The following MARK2 variants were observed in gnomAD, a reference collection of about 807,000 sequenced individuals.
MARK2 encodes the protein microtubule affinity regulating kinase 2, also known as serine/threonine-protein kinase MARK2.
Under a neutral mutation model 89.8 loss-of-function variants are expected in MARK2, and 16 were observed. That is an observed-to-expected ratio of 0.18 (90% CI 0.12 to 0.27). The LOEUF (loss-of-function observed/expected upper bound fraction) is 0.27, where lower values mean the gene tolerates loss of function less well. Among genes scored for constraint, MARK2 ranks in the 10% least tolerant of loss-of-function variants. The pLI is 1.00. For synonymous variants in MARK2, 382 were observed against 399.5 expected (o/e 0.96, Z 0.52); for missense variants, 621 against 1,049.9 (o/e 0.59, Z 5.65).
rs1282961941 is a variant in MARK2 at position 63,902,967 on chromosome 11, G to A, written c.1417-94G>A. 1 of 1,187,204 alleles carries A rather than the reference G, an allele frequency of 8.4e-7. No individual in the cohort carries two copies. Among genetic ancestry groups the A allele is most frequent in the Non-Finnish European group, 1.3e-6 (1 of 799,094 alleles). The allele number at this position is 1,187,204 out of a possible 1,614,324, so 73.5% of individuals were successfully genotyped here. On this transcript the variant is annotated intron_variant, in intron 13 of 18. Transcript: ENST00000402010. This position sits in a 1 kb window ranked among gnomAD's most constrained non-coding sequence, Gnocchi z 4.2. ...CTACCACTGTCTGCTTCAGGTGGAA[G>A]GGACAGGAAGCCTGTTCCATGAACC...
chr11:63,899,249 C>CTTTCT (rs780099890), intron 7 of MARK2, 141 bp downstream of exon 7: 180 of 537,364 alleles, frequency 3.3e-4, no homozygotes, highest in Middle Eastern at 4.5e-4. Context: ...TTCTTTCTTT[C>CTTTCT]TTTTTTTTTT....
intron 1 of MARK2, among the ~76,000 whole-genome samples, chr11:63,883,879 G>A (rs548489565): frequency 8.7e-4 from 132 of 152,240 alleles, no homozygotes; most frequent in South Asian, 1.5e-3. Context: ...AAGCCACCAC[G>A]CCCGGCCAGA....
intron 17 of MARK2, 112 bp downstream of exon 17, chr11:63,906,226 C>G: frequency 8.2e-7 from 1 of 1,224,202 alleles, no homozygotes; most frequent in Non-Finnish European, 1.0e-6. Context: ...ATCTGCTTAA[C>G]CAAGTCTGTG....
rs148364146 is a variant in MARK2 at position 63,842,433 on chromosome 11, T to C, written c.54+2873T>C. On this transcript the variant is annotated intron_variant, in intron 1 of 18. Coordinates refer to ENST00000402010, the MANE Select transcript of MARK2 (RefSeq NM_001039469.3). ...CGTTTCACCATGTTGTCCAGGATGG[T>C]CTCAGTCTCCTGTCCTCGTGATCCG... is the stretch of plus-strand genomic sequence containing the variant. Among the ~76,000 whole-genome samples the C allele has an allele frequency of 3.5e-3, 540 of 152,194 alleles. 1 individual carries two copies. The highest frequency in any genetic ancestry group is 4.3e-3 in the Non-Finnish European group (290 of 68,004).
At chr11:63,851,370 T>C (rs562111856) in intron 1 of MARK2, among the ~76,000 whole-genome samples, 1 of 152,180 alleles carries the variant, frequency 6.6e-6, no homozygotes, top group East Asian at 1.9e-4. Flanking sequence ...CACTTGAGGC[T>C]GGAGGATTGC....
At chr11:63,887,616 G>A (rs186927733) in intron 1 of MARK2, among the ~76,000 whole-genome samples, 1 of 152,334 alleles carries the variant, frequency 6.6e-6, no homozygotes, top group African/African-American at 2.4e-5. Flanking sequence ...AGAAGGTCAC[G>A]GAGTTCCTTA....
At chr11:63,899,758 A>G (rs1004526718) in intron 7 of MARK2, 116 bp from the exon 8 acceptor site, 5 of 736,696 alleles carry the variant, frequency 6.8e-6, no homozygotes, top group Non-Finnish European at 1.2e-5. Context: ...TGGTGGAGAA[A>G]GTTCTGAGAC....
At chr11:63,870,811 A>G (rs1258994999) in intron 1 of MARK2, among the ~76,000 whole-genome samples, 1 of 152,130 alleles carries the variant, frequency 6.6e-6, no homozygotes, top group African/African-American at 2.4e-5. Flanking sequence ...ACAAAGAGGA[A>G]TGGGAGTGAC....
At chr11:63,889,570 C>T (rs1939666401) in intron 1 of MARK2, among the ~76,000 whole-genome samples, 1 of 152,246 alleles carries the variant, frequency 6.6e-6, no homozygotes, top group Non-Finnish European at 1.5e-5. Context: ...GACAACACAC[C>T]TAGGCCGAGT....
At position 63,875,093 on chromosome 11, in the gene MARK2, G is replaced by A. The variant is rs561436934; in HGVS notation, c.55-20066G>A. On this transcript the variant is annotated intron_variant, in intron 1 of 18. Transcript: ENST00000402010. ...AGCCTCCTGAGTAGCTGGGACCACA[G>A]GTGCATGCCACCATGCCCAGCTAAT... Among the ~76,000 whole-genome samples, 38 of 151,352 alleles carry A rather than the reference G, an allele frequency of 2.5e-4. 1 individual carries two copies. Among genetic ancestry groups the A allele is most frequent in the Admixed American group, 2.4e-3 (37 of 15,198 alleles).
intron 1 of MARK2, among the ~76,000 whole-genome samples, chr11:63,851,305 G>T (rs2016561308): frequency 6.6e-6 from 1 of 152,104 alleles, no homozygotes; most frequent in Non-Finnish European, 1.5e-5. Flanking sequence ...AGGTAACAGT[G>T]TCCCCTCAGA....
chr11:63,900,908 G>C lies in MARK2; in HGVS notation c.988+29G>C, dbSNP rs369860538. ...AGGCTGTGCCGGGCTGTGAGGTTAA[G>C]CTTGCCTAGGAGTTGAGGCCAGTCT... On this transcript the variant is annotated intron_variant, in intron 10 of 18. Coordinates refer to ENST00000402010, the MANE Select transcript of MARK2 (RefSeq NM_001039469.3). This position sits in a 1 kb window ranked among gnomAD's most constrained non-coding sequence, Gnocchi z 4.7. 2 of 1,613,074 alleles carry C rather than the reference G, an allele frequency of 1.2e-6. No homozygotes were observed. Among genetic ancestry groups the C allele is most frequent in the East Asian group, 2.2e-5 (1 of 44,900 alleles).
At position 63,903,716 on chromosome 11, in the gene MARK2, C is replaced by T. The variant is rs1941088251; in HGVS notation, c.1515-270C>T. On this transcript the variant is annotated intron_variant, in intron 14 of 18. Coordinates refer to ENST00000402010, the MANE Select transcript of MARK2 (RefSeq NM_001039469.3). The surrounding 1 kb of genome is among the most constrained non-coding windows in gnomAD (Gnocchi z 5.1). Reference sequence around the variant, plus strand: ...AAAATTCTTAGGAGGCCAGTGCAGCCTGGAGGCAGCGGCCCCTTGTCTGCT... The same window carrying T: ...AAAATTCTTAGGAGGCCAGTGCAGCTTGGAGGCAGCGGCCCCTTGTCTGCT... Among the ~76,000 whole-genome samples the T allele has an allele frequency of 6.6e-6, 1 of 152,200 alleles. No homozygotes were observed.
intron 1 of MARK2, among the ~76,000 whole-genome samples, chr11:63,859,038 T>C (rs902555329): frequency 6.6e-6 from 1 of 152,202 alleles, no homozygotes; most frequent in Non-Finnish European, 1.5e-5. Flanking sequence ...TGGATTTTAT[T>C]ATGAGGTTTG....
At chr11:63,848,813 G>A (rs1454759775) in intron 1 of MARK2, among the ~76,000 whole-genome samples, 1 of 151,720 alleles carries the variant, frequency 6.6e-6, no homozygotes, top group Non-Finnish European at 1.5e-5. Flanking sequence ...CACCCACCTC[G>A]GCCTCCCAAA....
chr11:63,861,103 T>G (rs1937743698), intron 1 of MARK2, among the ~76,000 whole-genome samples: 1 of 152,196 alleles, frequency 6.6e-6, no homozygotes. Context: ...AATGTGCTAT[T>G]TTCTCTCTTC....
intron 1 of MARK2, among the ~76,000 whole-genome samples, chr11:63,853,832 T>A (rs1033536348): frequency 1.3e-5 from 2 of 151,820 alleles, no homozygotes; most frequent in Non-Finnish European, 2.9e-5. Flanking sequence ...AGACTATCAT[T>A]TTTTTTATTT....
chr11:63,843,891 C>G (rs1256528579), intron 1 of MARK2, among the ~76,000 whole-genome samples: 1 of 151,080 alleles, frequency 6.6e-6, no homozygotes, highest in Non-Finnish European at 1.5e-5. Context: ...TTTTTTTTTG[C>G]TTTTGGTGTA....
chr11:63,875,045 A>C (rs951308305), intron 1 of MARK2, among the ~76,000 whole-genome samples: 5 of 151,730 alleles, frequency 3.3e-5, no homozygotes, highest in Non-Finnish European at 7.4e-5. Flanking sequence ...CAACTTCCTT[A>C]GCTCAAGCAA....
Sources: gnomAD v4.1 joint callset for allele counts (sites outside exome capture counted in the v4.1 genomes callset) on GRCh38, gnomAD v4.1.1 for gene constraint, Gnocchi (gnomAD v3.1) non-coding constraint, MANE v1.5 for transcripts, NCBI Gene and HGNC (gene_info 2026-07-23, HGNC 2026-07-21) for gene names.